Variants in TAOK3 observed in about 807,000 individuals in gnomAD.
The protein encoded by TAOK3 is serine/threonine-protein kinase TAO3.
In TAOK3, 40 loss-of-function variants were observed where a neutral mutation model predicts 120.4. The observed-to-expected ratio is 0.33, with a 90% CI of 0.26 to 0.43. The LOEUF is 0.43. Ranked by LOEUF, TAOK3 falls within the 20% of genes least tolerant of loss-of-function variation. The pLI is 1.00. For missense variants in TAOK3, 821 were observed against 1,112.1 expected, an observed-to-expected ratio of 0.74 and a Z score of 3.72; for synonymous variants, 355 against 387.5, an observed-to-expected ratio of 0.92 and a Z score of 0.99.
chr12:118,219,671 T>G (rs1267250144), intron 9 of TAOK3, among the ~76,000 whole-genome samples: 1 of 151,694 alleles, frequency 6.6e-6, no homozygotes, highest in Non-Finnish European at 1.5e-5. Context: ...CTCAGCTCAC[T>G]GCAGCCTTGA....
At chr12:118,257,156 C>T (rs1175338688) in intron 2 of TAOK3, among the ~76,000 whole-genome samples, 2 of 152,018 alleles carry the variant, frequency 1.3e-5, no homozygotes, top group Non-Finnish European at 1.5e-5. Flanking sequence ...TTGTCAGGAC[C>T]GCAATTAAAA....
intron 1 of TAOK3, among the ~76,000 whole-genome samples, chr12:118,283,889 A>T (rs1469303325): frequency 6.6e-6 from 1 of 152,240 alleles, no homozygotes; most frequent in African/African-American, 2.4e-5. Context: ...TTGGAAACAA[A>T]GCTGGAACAG....
At chr12:118,325,785 T>C (rs1048361331) in intron 1 of TAOK3, among the ~76,000 whole-genome samples, 1 of 152,146 alleles carries the variant, frequency 6.6e-6, no homozygotes, top group Admixed American at 6.6e-5. Flanking sequence ...GTTCAAGCAA[T>C]TCTCCTGCCT....
intron 14 of TAOK3, 26 bp downstream of exon 14, chr12:118,189,781 A>T: frequency 6.2e-7 from 1 of 1,613,488 alleles, no homozygotes. Context: ...AAGGAAGGGA[A>T]GGTGGGTAGA....
Position 118,172,649 on chromosome 12 carries a change from C to T in TAOK3, c.1707G>A (p.Glu569=). ...TCTCTTTCTTGGGTGTGCTATGGTC[C>T]TCATTCATTTCCTAAAAAGAACAGA... ...CKEKIKEEMN[E]DHSTPKKEKQ... Residue 569 remains glutamate (E), a synonymous_variant, in exon 17 of 21, where the codon GAG becomes GAA. Coordinates refer to ENST00000392533, the MANE Select transcript of TAOK3 (RefSeq NM_016281.4). 1 of 1,614,080 alleles carries T rather than the reference C, an allele frequency of 6.2e-7. No individual in the cohort carries two copies. The highest frequency in any genetic ancestry group is 8.5e-7 in the Non-Finnish European group (1 of 1,179,986).
At chr12:118,159,276 C>T (rs1245523928) in intron 19 of TAOK3, among the ~76,000 whole-genome samples, 2 of 149,804 alleles carry the variant, frequency 1.3e-5, no homozygotes, top group African/African-American at 4.9e-5. Context: ...ACTTGTTCTC[C>T]CCTAACCCCC....
intron 15 of TAOK3, among the ~76,000 whole-genome samples, chr12:118,179,563 G>A (rs966944826): frequency 8.6e-5 from 13 of 151,584 alleles, no homozygotes; most frequent in East Asian, 5.8e-4. Context: ...AAACCTGCAC[G>A]TTGTGCACAT....
chr12:118,300,672 TG>T (rs2042847264), intron 1 of TAOK3, among the ~76,000 whole-genome samples: 1 of 152,238 alleles, frequency 6.6e-6, no homozygotes, highest in Admixed American at 6.5e-5. Flanking sequence ...TTGTTCTTTC[TG>T]TTCCTCAACA....
chr12:118,338,086 A>T (rs956997019), intron 1 of TAOK3, among the ~76,000 whole-genome samples: 5 of 152,198 alleles, frequency 3.3e-5, no homozygotes, highest in Admixed American at 6.5e-5. Context: ...GTTTAAAAGA[A>T]ATCCATGTAG....
chr12:118,181,353 G>A lies in TAOK3; in HGVS notation c.1566+18C>T, dbSNP rs375131537. On this transcript the variant is annotated intron_variant, in intron 15 of 20. Coordinates refer to ENST00000392533, the MANE Select transcript of TAOK3 (RefSeq NM_016281.4). The stretch of plus-strand genomic sequence containing the variant: ...CTGGGCTTGGTTGTGGCATGAAGGC[G>A]TGTGTGCACATACTGACCTCCTTTT... The A allele has an allele frequency of 2.5e-6, 4 of 1,592,102 alleles. No individual in the cohort carries two copies. The highest frequency in any genetic ancestry group is 2.2e-5 in the East Asian group (1 of 44,600).
intron 13 of TAOK3, chr12:118,198,844 T>TGAGAGAGG: frequency 1.7e-6 from 1 of 581,092 alleles, no homozygotes; most frequent in Non-Finnish European, 3.1e-6. Context: ...ATCAGAGTAA[T>TGAGAGAGG]GAGAGAGGGA....
chr12:118,230,848 G>A (rs1365736621), intron 9 of TAOK3, among the ~76,000 whole-genome samples: 1 of 152,004 alleles, frequency 6.6e-6, no homozygotes, highest in African/African-American at 2.4e-5. Flanking sequence ...TCTGCTGAGT[G>A]GCCCCCAAAA....
At chr12:118,181,761 T>C (rs1025022181) in intron 14 of TAOK3, among the ~76,000 whole-genome samples, 154 bp from the exon 15 acceptor site, 1 of 152,238 alleles carries the variant, frequency 6.6e-6, no homozygotes, top group Non-Finnish European at 1.5e-5. Flanking sequence ...GGGGGCACTG[T>C]GCTAGATAGA....
At chr12:118,356,362 C>A (rs1275561086) in intron 1 of TAOK3, among the ~76,000 whole-genome samples, 1 of 141,198 alleles carries the variant, frequency 7.1e-6, no homozygotes, top group Non-Finnish European at 1.5e-5. Flanking sequence ...TGCAGTGGCA[C>A]AATCTCAGCT....
intron 2 of TAOK3, among the ~76,000 whole-genome samples, chr12:118,264,381 G>A (rs1432112751): frequency 6.6e-6 from 1 of 152,114 alleles, no homozygotes; most frequent in Non-Finnish European, 1.5e-5. Flanking sequence ...CTGTAACTCA[G>A]CAATAAAATA....
chr12:118,156,565 T>A (rs1397408330), intron 19 of TAOK3, among the ~76,000 whole-genome samples: 2 of 152,130 alleles, frequency 1.3e-5, no homozygotes, highest in Non-Finnish European at 2.9e-5. Flanking sequence ...ACTTTCCTTC[T>A]GAGGTCCAGA....
intron 17 of TAOK3, among the ~76,000 whole-genome samples, chr12:118,171,686 G>A (rs1208430395): frequency 6.6e-6 from 1 of 152,120 alleles, no homozygotes; most frequent in African/African-American, 2.4e-5. Flanking sequence ...ATAAAGAAAT[G>A]TCTCATCATG....
chr12:118,158,118 G>A lies in TAOK3; in HGVS notation c.2352+2028C>T, dbSNP rs372173440. Among the ~76,000 whole-genome samples, 18 of 152,240 alleles carry A rather than the reference G, an allele frequency of 1.2e-4. No individual in the cohort carries two copies. In the East Asian group the frequency reaches 3.1e-3, roughly 26 times the overall value. ...CTAATTGATCTCTGCAACATGTGAC[G>A]CTGTCAGTTAGAAACTCCTGCTCTG... On this transcript the variant is annotated intron_variant, in intron 19 of 20. Transcript: ENST00000392533.
In TAOK3 at chr12:118,150,974, T is replaced by TTTTTTTATTG; in HGVS notation, c.*22_*23insCAATAAAAAA. 6.8e-7 allele frequency: 1 copy of TTTTTTTATTG among 1,467,384 alleles called. No homozygotes were observed. The highest frequency in any genetic ancestry group is 1.4e-5 in the South Asian group (1 of 70,796). 90.9% of individuals were successfully genotyped at this position (1,467,384 alleles called of 1,614,324 possible). ...CTGTTTTCTTTTTTTTTTTTTTTTT[T>TTTTTTTATTG]GTAAATGGCAAAAAATTTAATCTCA... is the stretch of plus-strand genomic sequence containing the variant. On this transcript the variant is annotated 3_prime_UTR_variant, in exon 21 of 21. Transcript: ENST00000392533.
Sources: gnomAD v4.1 joint callset for allele counts (sites outside exome capture counted in the v4.1 genomes callset) on GRCh38, gnomAD v4.1.1 for gene constraint, MANE v1.5 for transcripts, NCBI Gene and HGNC (gene_info 2026-07-23, HGNC 2026-07-21) for gene names.